The following BRPF3 variants were observed in gnomAD, a reference collection of about 807,000 sequenced individuals.
BRPF3 encodes bromodomain and PHD finger containing 3.
A neutral mutation model predicts 102.0 loss-of-function variants in BRPF3; 18 were observed. That is an observed-to-expected ratio of 0.18 (90% CI 0.12 to 0.26). The LOEUF is 0.26. BRPF3 is among the 10% of genes least tolerant of loss of function. The probability of loss-of-function intolerance (pLI) is 1.00; values close to 1 mark genes in which losing one functional copy is unlikely to be tolerated. For missense variants in BRPF3, 1,147 were observed against 1,567.8 expected, an observed-to-expected ratio of 0.73 and a Z score of 4.53; for synonymous variants, 570 against 614.2, an observed-to-expected ratio of 0.93 and a Z score of 1.06.
chr6:36,202,926 C>G (rs1167808784), intron 2 of BRPF3, among the ~76,000 whole-genome samples: 1 of 151,998 alleles, frequency 6.6e-6, no homozygotes, highest in African/African-American at 2.4e-5. Context: ...ACCAGACTTG[C>G]CAGGCTGGGA....
chr6:36,212,885 G>A (rs1410325957), intron 7 of BRPF3, among the ~76,000 whole-genome samples: 3 of 152,120 alleles, frequency 2.0e-5, no homozygotes, highest in Non-Finnish European at 4.4e-5. Flanking sequence ...CCCGGGAAGC[G>A]GAGCTTGCAG....
At chr6:36,212,733 C>T (rs535653111) in intron 7 of BRPF3, among the ~76,000 whole-genome samples, 2 of 151,210 alleles carry the variant, frequency 1.3e-5, no homozygotes, top group East Asian at 3.9e-4. Context: ...GCGGGTGGAT[C>T]ATGAGGTCAG....
At chr6:36,218,695 G>T (rs1260703120) in intron 9 of BRPF3, among the ~76,000 whole-genome samples, 1 of 152,110 alleles carries the variant, frequency 6.6e-6, no homozygotes, top group East Asian at 1.9e-4. Context: ...CTGACCTCAA[G>T]TGATCTGCCC....
intron 9 of BRPF3, among the ~76,000 whole-genome samples, chr6:36,219,325 G>GA (rs1295862816): frequency 6.6e-6 from 1 of 152,064 alleles, no homozygotes; most frequent in Non-Finnish European, 1.5e-5. Context: ...AAGTAGATGG[G>GA]AAAAAATTAT....
intron 2 of BRPF3, among the ~76,000 whole-genome samples, chr6:36,202,383 G>T (rs1767738249): frequency 6.7e-6 from 1 of 149,652 alleles, no homozygotes; most frequent in African/African-American, 2.5e-5. Flanking sequence ...GGATCATTCA[G>T]TTCAGCTGTG....
intron 8 of BRPF3, among the ~76,000 whole-genome samples, chr6:36,217,173 C>G (rs1768358548): frequency 6.6e-6 from 1 of 152,184 alleles, no homozygotes; most frequent in Admixed American, 6.5e-5. Flanking sequence ...CTCATACATA[C>G]TGAATAGTAA....
chr6:36,217,126 C>T (rs1331227490), intron 8 of BRPF3, among the ~76,000 whole-genome samples: 4 of 152,188 alleles, frequency 2.6e-5, no homozygotes, highest in Admixed American at 6.5e-5. Context: ...AGCCTTCATT[C>T]GCCTCTGAAG....
rs1291861019 is a variant in BRPF3, at chr6:36,200,399, C to T, written c.77C>T (p.Ser26Leu). ...CCGTCCCCCTACAGTCTCAAGTGCTCACCCACCCGGGAGACCCTGACATAT... is the reference window on the plus strand; with the variant it reads ...CCGTCCCCCTACAGTCTCAAGTGCTTACCCACCCGGGAGACCCTGACATAT... ...RSPSPYSLKC[S>L]PTRETLTYAQ... Residue 26 changes from serine to leucine, a missense_variant, in exon 2 of 13, where the codon TCA becomes TTA. Ser to Leu is a moderately radical substitution (Grantham distance 145). This residue lies in a region of BRPF3 where 221 missense variants were observed against 337.1 expected (regional missense o/e 0.66). Coordinates refer to ENST00000357641, the MANE Select transcript of BRPF3 (RefSeq NM_015695.3). The surrounding 1 kb of genome is among the most constrained non-coding windows in gnomAD (Gnocchi z 5.3). 2 of 1,614,268 alleles carry T rather than the reference C, an allele frequency of 1.2e-6. No homozygotes were observed. Among genetic ancestry groups the T allele is most frequent in the South Asian group, 1.1e-5 (1 of 91,090 alleles).
intron 9 of BRPF3, among the ~76,000 whole-genome samples, chr6:36,221,297 T>C (rs1038097173): frequency 6.9e-6 from 1 of 145,842 alleles, no homozygotes; most frequent in Non-Finnish European, 1.5e-5. Flanking sequence ...TTTTTTTTTT[T>C]TTTTTTTTGA....
chr6:36,212,944 A>C (rs1290322824), intron 7 of BRPF3, among the ~76,000 whole-genome samples: 17 of 151,568 alleles, frequency 1.1e-4, no homozygotes, highest in Admixed American at 6.6e-4. Flanking sequence ...TGGGCGACAG[A>C]GCGAGACTCC....
chr6:36,202,822 C>T (rs1458130175), intron 2 of BRPF3, among the ~76,000 whole-genome samples: 2 of 152,180 alleles, frequency 1.3e-5, no homozygotes, highest in Non-Finnish European at 2.9e-5. Context: ...CATGATGCCT[C>T]TAGGTTGCAT....
Position 36,204,670 on chromosome 6 carries a change from C to G in BRPF3, c.1461C>G (p.Ile487Met), listed in dbSNP as rs757965976. The G allele has an allele frequency of 6.2e-7, 1 of 1,614,228 alleles. No individual in the cohort carries two copies. The highest frequency in any genetic ancestry group is 8.5e-7 in the Non-Finnish European group (1 of 1,180,032). ...PQIPSYRLNK[I>M]CSGLSFQRKN... ...GCCTCTACTCAAGGTTGAACAAGATCTGTAGTGGTCTCTCCTTTCAGAGGA... is the reference window on the plus strand; with the variant it reads ...GCCTCTACTCAAGGTTGAACAAGATGTGTAGTGGTCTCTCCTTTCAGAGGA... Residue 487 changes from isoleucine to methionine, a missense_variant, in exon 3 of 13, where the codon ATC (isoleucine) becomes ATG (methionine). Transcript: ENST00000357641.
chr6:36,228,781 A>T, intron 11 of BRPF3, 121 bp from the exon 12 acceptor site: 1 of 1,162,132 alleles, frequency 8.6e-7, no homozygotes, highest in Non-Finnish European at 1.2e-6. Flanking sequence ...TGGACATCAA[A>T]GATATCCCAC....
rs982816281 is a variant in BRPF3, at chr6:36,196,823, G to C, written c.-174G>C. ...CGGCGGCGGCCGGGCCGGGGCCCCA[G>C]CGCGGGCCGGGAGGGGGCACGGCGG... is the stretch of plus-strand genomic sequence containing the variant. On this transcript the variant is annotated 5_prime_UTR_variant, in exon 1 of 13. Coordinates refer to ENST00000357641, the MANE Select transcript of BRPF3 (RefSeq NM_015695.3). The C allele has an allele frequency of 1.1e-4, 17 of 152,304 alleles. No homozygotes were observed. The Admixed American group carries it at 1.1e-3, about 10-fold the overall frequency. 9.4% of individuals were successfully genotyped at this position (152,304 alleles called of 1,614,324 possible).
chr6:36,201,407 T>C lies in BRPF3; in HGVS notation c.1085T>C (p.Ile362Thr), dbSNP rs1221213431. ...CAGCGGGCTGGGCTCTTCATGAAGATTGAGCCCATGCGCGAAACCAGCCTC... is the reference window on the plus strand; with the variant it reads ...CAGCGGGCTGGGCTCTTCATGAAGACTGAGCCCATGCGCGAAACCAGCCTC... ...CAQRAGLFMK[I>T]EPMRETSLNG... Residue 362 changes from isoleucine to threonine, a missense_variant, in exon 2 of 13, where the codon ATT becomes ACT. This residue lies in a region of BRPF3 where 44 missense variants were observed against 101.4 expected (regional missense o/e 0.43). Transcript: ENST00000357641. This position sits in a 1 kb window ranked among gnomAD's most constrained non-coding sequence, Gnocchi z 5.1. The C allele has an allele frequency of 6.2e-7, 1 of 1,614,146 alleles. No homozygotes were observed.
intron 11 of BRPF3, among the ~76,000 whole-genome samples, chr6:36,227,618 C>G (rs1768785603): frequency 6.6e-6 from 1 of 152,174 alleles, no homozygotes; most frequent in African/African-American, 2.4e-5. Flanking sequence ...AACCAGCATG[C>G]CTTAGTCAAG....
At chr6:36,223,469 C>T (rs1236150016) in intron 10 of BRPF3, among the ~76,000 whole-genome samples, 6 of 152,176 alleles carry the variant, frequency 3.9e-5, no homozygotes, top group Admixed American at 1.3e-4. Flanking sequence ...ACTAAAATTA[C>T]GCCAAAGGAT....
At chr6:36,205,694 C>T (rs1688244146) in intron 3 of BRPF3, among the ~76,000 whole-genome samples, 3 of 152,204 alleles carry the variant, frequency 2.0e-5, no homozygotes, top group Admixed American at 2.0e-4. Context: ...TCTGACTGTA[C>T]CCTATGCTGA....
chr6:36,201,819 G>A lies in BRPF3; in HGVS notation c.1448+49G>A. ...TTAGGGACTCATGGTTTCTTCTTGG[G>A]TTGGTGTTGGCCCTGTGCCAGGCCT... On this transcript the variant is annotated intron_variant, in intron 2 of 12. Coordinates refer to ENST00000357641, the MANE Select transcript of BRPF3 (RefSeq NM_015695.3). The surrounding 1 kb of genome is among the most constrained non-coding windows in gnomAD (Gnocchi z 5.1). 2.6e-6 allele frequency: 4 copies of A among 1,539,752 alleles called. No individual in the cohort carries two copies. The highest frequency in any genetic ancestry group is 3.5e-6 in the Non-Finnish European group (4 of 1,145,458).
Sources: gnomAD v4.1 joint callset for allele counts (sites outside exome capture counted in the v4.1 genomes callset) on GRCh38, gnomAD v4.1.1 for gene constraint, gnomAD v4.1.1 regional missense constraint, Gnocchi (gnomAD v3.1) non-coding constraint, MANE v1.5 for transcripts, NCBI Gene and HGNC (gene_info 2026-07-23, HGNC 2026-07-21) for gene names.